TOP1MT: variants seen among roughly 807,000 people sequenced by gnomAD.
TOP1MT encodes the protein DNA topoisomerase I mitochondrial.
Under a neutral mutation model 73.9 loss-of-function variants are expected in TOP1MT, and 80 were observed. That is an observed-to-expected ratio of 1.08 (90% CI 0.90 to 1.30). The LOEUF is 1.30. Ranked by LOEUF, TOP1MT falls within the 50% of genes most tolerant of loss-of-function variation. The pLI is 0.00. For missense variants in TOP1MT, 815 were observed against 808.0 expected, an observed-to-expected ratio of 1.01 and a Z score of -0.10; for synonymous variants, 338 against 326.4, an observed-to-expected ratio of 1.04 and a Z score of -0.38.
chr8:143,312,817 T>C (rs34589890), intron 12 of TOP1MT, among the ~76,000 whole-genome samples: 13,548 of 152,316 alleles, frequency 0.089, 648 homozygotes, highest in Non-Finnish European at 0.11. Context: ...GGGCCAGGCA[T>C]GTTGGCTCAT....
At chr8:143,321,970 T>C (rs1360639582) in intron 7 of TOP1MT, among the ~76,000 whole-genome samples, 4 of 13,006 alleles carry the variant, frequency 3.1e-4, no homozygotes, top group Non-Finnish European at 4.5e-4. Flanking sequence ...ACACACATGC[T>C]CACCACACGC....
At chr8:143,323,328 CACAT>C in intron 7 of TOP1MT, among the ~76,000 whole-genome samples, 1 of 114,442 alleles carries the variant, frequency 8.7e-6, no homozygotes. Flanking sequence ...GCACGCCACA[CACAT>C]GCACGCCACA....
At chr8:143,359,209 G>A, upstream of TOP1MT, 1 of 984,586 alleles carries the variant, frequency 1.0e-6, no homozygotes, top group Non-Finnish European at 1.2e-6. Flanking sequence ...GGTTTTAGCT[G>A]GGAGCTTATG....
chr8:143,334,041 G>C (rs1039046980), intron 1 of TOP1MT: 1 of 152,328 alleles, frequency 6.6e-6, no homozygotes, highest in Non-Finnish European at 1.5e-5. Flanking sequence ...TGCCACGCTG[G>C]AAGCACTAAG....
chr8:143,334,578 A>G (rs1816940491), intron 1 of TOP1MT, among the ~76,000 whole-genome samples, 162 bp downstream of exon 1: 2 of 152,164 alleles, frequency 1.3e-5, no homozygotes, highest in South Asian at 4.1e-4. Context: ...CCCGGGCAGG[A>G]GGCGGGCCGG....
chr8:143,331,284 C>G lies in TOP1MT; in HGVS notation c.178G>C (p.Gly60Arg), dbSNP rs1486722847. The change falls in exon 2 of 14, where the codon GGC (glycine) becomes CGC (arginine). Residue 60 changes from glycine (G) to arginine (R), a missense_variant. Gly to Arg is a moderately radical substitution (Grantham distance 125). This residue lies in a region of TOP1MT where 751 missense variants were observed against 725.4 expected (regional missense o/e 1.04). Transcript: ENST00000329245. ...GVKWRQLEHK[G>R]PYFAPPYEPL... ...TCGTATGGGGGTGCGAAGTACGGGCCCTTGTGCTCCAGCTGTCTCCACTTC... is the reference window on the plus strand; with the variant it reads ...TCGTATGGGGGTGCGAAGTACGGGCGCTTGTGCTCCAGCTGTCTCCACTTC... 6.2e-7 allele frequency: 1 copy of G among 1,613,062 alleles called. No homozygotes were observed. Among genetic ancestry groups the G allele is most frequent in the Non-Finnish European group, 8.5e-7 (1 of 1,179,216 alleles).
intron 3 of TOP1MT, among the ~76,000 whole-genome samples, chr8:143,328,664 G>C (rs1445454670): frequency 6.6e-6 from 1 of 152,236 alleles, no homozygotes; most frequent in Non-Finnish European, 1.5e-5. Context: ...GTTCATGGCA[G>C]CTTTACACAT....
rs972315678 is a variant in TOP1MT, at chr8:143,331,169, C to T, written c.238+55G>A. 3 of 1,425,838 alleles carry T rather than the reference C, an allele frequency of 2.1e-6. No homozygotes were observed. In the African/African-American group the frequency reaches 4.2e-5, roughly 20 times the overall value. The allele number at this position is 1,425,838 out of a possible 1,614,324, so 88.3% of individuals were successfully genotyped here. A position where few individuals can be genotyped will look rare whatever the true frequency, so the allele number is the denominator to read the frequency against. ...AGCGAGCCAGATGCCCACTGGGAGC[C>T]CACGCCCAGGGAACCAAGCGCAGGC... On this transcript the variant is annotated intron_variant, in intron 2 of 13. Transcript: ENST00000329245.
chr8:143,358,149 C>T (rs1817442912), upstream of TOP1MT, among the ~76,000 whole-genome samples: 1 of 152,178 alleles, frequency 6.6e-6, no homozygotes, highest in African/African-American at 2.4e-5. Context: ...AGGCTGGAAC[C>T]TGGTCTTCGC....
At chr8:143,329,683 C>CGTGAGAAAGCTGCAGAAGA (rs1384438755) in intron 2 of TOP1MT, among the ~76,000 whole-genome samples, 1 of 152,128 alleles carries the variant, frequency 6.6e-6, no homozygotes, top group African/African-American at 2.4e-5. Context: ...GGGAGCGGGT[C>CGTGAGAAAGCTGCAGAAGA]GTGAGAAAGC....
intron 1 of TOP1MT, among the ~76,000 whole-genome samples, chr8:143,333,269 A>T (rs1270568733): frequency 6.6e-6 from 1 of 152,134 alleles, no homozygotes; most frequent in Non-Finnish European, 1.5e-5. Flanking sequence ...CAACATGGCA[A>T]AACCCCCGTC....
chr8:143,309,719 G>A (rs1815950590), intron 13 of TOP1MT, 176 bp from the exon 14 acceptor site: 1 of 1,525,084 alleles, frequency 6.6e-7, no homozygotes, highest in South Asian at 1.2e-5. Context: ...CCACCCTGGA[G>A]CATCAGCGAG....
rs751489332 is a variant in TOP1MT at position 143,310,159 on chromosome 8, T to TCAGCTGCGC, written c.1603_1611dup (p.Ala535_Leu537dup). 6.2e-7 allele frequency: 1 copy of TCAGCTGCGC among 1,609,950 alleles called. No homozygotes were observed. The highest frequency in any genetic ancestry group is 1.1e-5 in the South Asian group (1 of 90,740). On this transcript the variant is annotated inframe_insertion, in exon 13 of 14. Transcript: ENST00000329245. ...TCCTCCTTGTCCGTGGCCTGCACACTCAGCTGCGCCAGCTGCTCCTGCAGC... is the reference window on the plus strand; with the variant it reads ...TCCTCCTTGTCCGTGGCCTGCACACTCAGCTGCGCCAGCTGCGCCAGCTGCTCCTGCAGC...
intron 8 of TOP1MT, among the ~76,000 whole-genome samples, 153 bp downstream of exon 8, chr8:143,321,048 C>A (rs548504448): frequency 6.6e-6 from 1 of 152,160 alleles, no homozygotes; most frequent in Non-Finnish European, 1.5e-5. Flanking sequence ...TCTCCTTCAC[C>A]TTTACCCCGA....
At chr8:143,324,664 G>C in intron 5 of TOP1MT, 35 bp from the exon 6 acceptor site, 1 of 1,600,506 alleles carries the variant, frequency 6.2e-7, no homozygotes, top group Non-Finnish European at 8.5e-7. Flanking sequence ...ATAACTTGGA[G>C]ACCTTATTCT....
chr8:143,354,864 A>G (rs1334710109), intron 1 of TOP1MT, among the ~76,000 whole-genome samples: 3 of 152,070 alleles, frequency 2.0e-5, no homozygotes, highest in Non-Finnish European at 2.9e-5. Context: ...TAAGGACAGG[A>G]AAAAAAAGGG....
chr8:143,319,293 A>T (rs913461311), intron 8 of TOP1MT, among the ~76,000 whole-genome samples: 4 of 148,868 alleles, frequency 2.7e-5, no homozygotes, highest in African/African-American at 1.0e-4. Context: ...TAATTTTTTT[A>T]TTTTTTTTTT....
rs1816947134 is a variant in TOP1MT at position 143,334,767 on chromosome 8, C to A, written c.95G>T (p.Arg32Leu). The A allele has an allele frequency of 7.5e-6, 12 of 1,595,672 alleles. No homozygotes were observed. The highest frequency in any genetic ancestry group is 1.0e-5 in the Non-Finnish European group (12 of 1,172,746). The change falls in exon 1 of 14, where the codon CGC becomes CTC. Residue 32 changes from arginine (R) to leucine (L), a missense_variant. Arg to Leu is a moderately radical substitution (Grantham distance 102). Coordinates refer to ENST00000329245, the MANE Select transcript of TOP1MT (RefSeq NM_052963.3). ...GGCTCCACTGCCCTTCTGCGTCCTG[C>A]GCGAGCCCGGGACACCCCGGGAGGC... Reference protein sequence around the residue: ...RPASRGVPGSRRTQKGSGARW... With the variant: ...RPASRGVPGSLRTQKGSGARW...
chr8:143,336,996 T>C (rs1816992641), upstream of TOP1MT, among the ~76,000 whole-genome samples: 1 of 152,114 alleles, frequency 6.6e-6, no homozygotes, highest in Admixed American at 6.5e-5. Flanking sequence ...AAAAATAAAA[T>C]ACTGCACAAT....
Sources: allele counts gnomAD v4.1 joint callset (sites outside exome capture counted in the v4.1 genomes callset), GRCh38; gene constraint gnomAD v4.1.1; regional missense constraint gnomAD v4.1.1; transcripts MANE v1.5; gene names NCBI Gene and HGNC (gene_info 2026-07-23, HGNC 2026-07-21).